TMEM132B: variants seen among roughly 807,000 people sequenced by gnomAD.
TMEM132B encodes the protein transmembrane protein 132B.
TMEM132B carries 18 observed loss-of-function variants against 90.8 expected under a neutral mutation model. The observed-to-expected ratio is 0.20, with a 90% CI of 0.14 to 0.29. The LOEUF (loss-of-function observed/expected upper bound fraction) is 0.29, where lower values mean the gene tolerates loss of function less well. TMEM132B is among the 10% of genes least tolerant of loss of function. The probability of loss-of-function intolerance (pLI) is 1.00; values close to 1 mark genes in which losing one functional copy is unlikely to be tolerated. For missense variants in TMEM132B, 1,096 were observed against 1,326.8 expected (o/e 0.83, Z 2.70); for synonymous variants, 504 against 523.3 (o/e 0.96, Z 0.50).
At chr12:125,197,925 T>C (rs1872961350) in intron 1 of TMEM132B, among the ~76,000 whole-genome samples, 1 of 152,242 alleles carries the variant, frequency 6.6e-6, no homozygotes, top group African/African-American at 2.4e-5. Context: ...TTATGTAACA[T>C]TTAAAAAATA....
chr12:125,470,458 C>A (rs748663336), intron 3 of TMEM132B, among the ~76,000 whole-genome samples: 6 of 152,298 alleles, frequency 3.9e-5, no homozygotes, highest in Middle Eastern at 6.8e-3. Flanking sequence ...GCTCTTGATA[C>A]AACTTTTTAC....
intron 1 of TMEM132B, among the ~76,000 whole-genome samples, chr12:125,306,784 C>T (rs1875981384): frequency 6.6e-6 from 1 of 152,254 alleles, no homozygotes; most frequent in Non-Finnish European, 1.5e-5. Context: ...CATGTTCTTC[C>T]TCTGCTCAAA....
chr12:125,291,469 A>G (rs1408458624), intron 1 of TMEM132B, among the ~76,000 whole-genome samples: 1 of 152,224 alleles, frequency 6.6e-6, no homozygotes, highest in Non-Finnish European at 1.5e-5. Flanking sequence ...GAGATTCTCC[A>G]TGCTGGCTCT....
intron 1 of TMEM132B, among the ~76,000 whole-genome samples, chr12:125,265,409 T>A (rs1593061185): frequency 1.3e-5 from 2 of 152,070 alleles, no homozygotes; most frequent in South Asian, 4.1e-4. Context: ...TATAACAATA[T>A]ACTGTGATAA....
At chr12:125,547,445 T>C (rs1001647414) in intron 4 of TMEM132B, among the ~76,000 whole-genome samples, 2 of 152,266 alleles carry the variant, frequency 1.3e-5, no homozygotes, top group African/African-American at 2.4e-5. Context: ...TTGTCTTTTT[T>C]AATATGTCTG....
intron 5 of TMEM132B, among the ~76,000 whole-genome samples, chr12:125,624,562 G>A (rs898873039): frequency 6.6e-6 from 1 of 152,146 alleles, no homozygotes; most frequent in Non-Finnish European, 1.5e-5. Flanking sequence ...CCCAAGGTTC[G>A]TGGACTTATT....
chr12:125,511,484 C>CT (rs1422792694), intron 3 of TMEM132B, among the ~76,000 whole-genome samples: 1 of 151,810 alleles, frequency 6.6e-6, no homozygotes, highest in Non-Finnish European at 1.5e-5. Context: ...ACTCTCATCT[C>CT]TTTTTTCAGT....
At chr12:125,359,955 C>G (rs192408998) in intron 2 of TMEM132B, among the ~76,000 whole-genome samples, 1,749 of 152,164 alleles carry the variant, frequency 0.011, 36 homozygotes, top group African/African-American at 0.039. Flanking sequence ...GCACGTGCCT[C>G]TAGTCCCAGC....
At chr12:125,329,159 C>T (rs1357918350) in intron 1 of TMEM132B, among the ~76,000 whole-genome samples, 2 of 152,174 alleles carry the variant, frequency 1.3e-5, no homozygotes, top group Non-Finnish European at 2.9e-5. Flanking sequence ...AAAGAAGTAC[C>T]AGCGCTTCCT....
chr12:125,541,557 C>A (rs951566988), intron 4 of TMEM132B, among the ~76,000 whole-genome samples: 16 of 152,052 alleles, frequency 1.1e-4, no homozygotes, highest in Admixed American at 4.6e-4. Flanking sequence ...GATTTCATTA[C>A]CACAGGACTT....
intron 1 of TMEM132B, among the ~76,000 whole-genome samples, chr12:125,279,764 C>G (rs12367090): frequency 0.14 from 21,790 of 152,176 alleles, 1,874 homozygotes; most frequent in African/African-American, 0.23. Flanking sequence ...TAGTGAATCA[C>G]TAAACATATG....
At chr12:125,544,915 G>T (rs1025755445) in intron 4 of TMEM132B, among the ~76,000 whole-genome samples, 5 of 149,736 alleles carry the variant, frequency 3.3e-5, no homozygotes, top group African/African-American at 1.2e-4. Context: ...TGTATTTCCA[G>T]AAAACAATAG....
At chr12:125,474,056 T>TTTTCCTTTCCTTTCC (rs113319203) in intron 3 of TMEM132B, among the ~76,000 whole-genome samples, 1,860 of 129,454 alleles carry the variant, frequency 0.014, 47 homozygotes, top group Admixed American at 0.056. Flanking sequence ...CCTTCTTTCT[T>TTTTCCTTTCCTTTCC]TTTCCTTTCC....
intron 3 of TMEM132B, among the ~76,000 whole-genome samples, chr12:125,422,840 C>T (rs996987049): frequency 2.6e-5 from 4 of 152,182 alleles, no homozygotes; most frequent in African/African-American, 7.2e-5. Flanking sequence ...ACGTTTCTTT[C>T]AACACCTTGA....
At chr12:125,199,820 A>C (rs895950014) in intron 1 of TMEM132B, among the ~76,000 whole-genome samples, 22 of 152,306 alleles carry the variant, frequency 1.4e-4, no homozygotes, top group African/African-American at 5.1e-4. Flanking sequence ...GATTAAAAAA[A>C]GGGCAGAGGA....
At chr12:125,244,777 C>A (rs572125250) in intron 1 of TMEM132B, among the ~76,000 whole-genome samples, 40 of 152,188 alleles carry the variant, frequency 2.6e-4, no homozygotes, top group Non-Finnish European at 8.8e-5. Context: ...TCTAGGCAGC[C>A]GTTGCAGGAT....
At chr12:125,320,948 A>G (rs326389) in intron 1 of TMEM132B, among the ~76,000 whole-genome samples, 112,059 of 152,186 alleles carry the variant, frequency 0.74, 42,273 homozygotes, top group African/African-American at 0.89. Context: ...ACCTGAGCTC[A>G]TTTATAACTT....
intron 1 of TMEM132B, among the ~76,000 whole-genome samples, chr12:125,265,355 T>C (rs1874663446): frequency 1.3e-5 from 2 of 152,166 alleles, no homozygotes; most frequent in African/African-American, 4.8e-5. Context: ...AATTTATAAA[T>C]TAGACATAGT....
intron 1 of TMEM132B, among the ~76,000 whole-genome samples, chr12:125,260,463 T>C (rs1874537802): frequency 6.6e-6 from 1 of 152,088 alleles, no homozygotes. Flanking sequence ...GTGATTCTCC[T>C]GCCTCAGCCT....
Sources: gnomAD v4.1 joint callset for allele counts (sites outside exome capture counted in the v4.1 genomes callset) on GRCh38, gnomAD v4.1.1 for gene constraint, MANE v1.5 for transcripts, NCBI Gene and HGNC (gene_info 2026-07-23, HGNC 2026-07-21) for gene names.